Variants in SLC38A6 observed in about 807,000 individuals in gnomAD.
SLC38A6 encodes solute carrier family 38 member 6.
Under a neutral mutation model 65.0 loss-of-function variants are expected in SLC38A6, and 73 were observed. That is an observed-to-expected ratio of 1.12 (90% CI 0.93 to 1.37). The LOEUF (loss-of-function observed/expected upper bound fraction) is 1.37, where lower values mean the gene tolerates loss of function less well. Among genes scored for constraint, SLC38A6 ranks in the 40% most tolerant of loss-of-function variants. SLC38A6 has a pLI of 0.00. For missense variants in SLC38A6, 561 were observed against 531.1 expected (o/e 1.06, Z -0.55); for synonymous variants, 183 against 178.8 (o/e 1.02, Z -0.19).
chr14:61,067,659 G>C (rs1333780226), intron 15 of SLC38A6, among the ~76,000 whole-genome samples: 3 of 151,956 alleles, frequency 2.0e-5, no homozygotes, highest in South Asian at 2.1e-4. Flanking sequence ...CCCTGTACTT[G>C]TGCTGTTGAT....
chr14:61,066,038 C>T (rs1337930543), intron 15 of SLC38A6, among the ~76,000 whole-genome samples: 1 of 152,110 alleles, frequency 6.6e-6, no homozygotes, highest in Non-Finnish European at 1.5e-5. Flanking sequence ...TTAGAATTAG[C>T]CCTATGTTAA....
At chr14:61,001,603 A>T (rs1463289620) in intron 3 of SLC38A6, among the ~76,000 whole-genome samples, 6 of 152,198 alleles carry the variant, frequency 3.9e-5, no homozygotes, top group Admixed American at 3.9e-4. Flanking sequence ...CATTTCCCAG[A>T]GTTAGCAACA....
chr14:61,001,915 C>T (rs2038738029), intron 3 of SLC38A6: 1 of 152,146 alleles, frequency 6.6e-6, no homozygotes, highest in Non-Finnish European at 1.5e-5. Context: ...CGCTTCTGTT[C>T]TTTCACCTTC....
At chr14:60,982,664 AT>A (rs768919629) in intron 2 of SLC38A6, 26 bp downstream of exon 2, 58 of 1,570,732 alleles carry the variant, frequency 3.7e-5, no homozygotes, top group Admixed American at 1.3e-4. Flanking sequence ...TTAGCATCAA[AT>A]TTTTTTTTCC....
chr14:61,032,382 G>C (rs2041054999), intron 6 of SLC38A6, among the ~76,000 whole-genome samples: 1 of 151,734 alleles, frequency 6.6e-6, no homozygotes, highest in Non-Finnish European at 1.5e-5. Flanking sequence ...TTCTCTAAAA[G>C]TGATATTTTT....
At chr14:60,983,139 C>T (rs968218038) in intron 2 of SLC38A6, among the ~76,000 whole-genome samples, 1 of 152,138 alleles carries the variant, frequency 6.6e-6, no homozygotes, top group African/African-American at 2.4e-5. Context: ...GAAGACAATC[C>T]TGGATATTCT....
At chr14:61,001,132 A>C (rs2038681191) in intron 3 of SLC38A6, among the ~76,000 whole-genome samples, 1 of 152,126 alleles carries the variant, frequency 6.6e-6, no homozygotes, top group South Asian at 2.1e-4. Flanking sequence ...GGCATTTGGC[A>C]ATGTCTGGAG....
At chr14:60,997,522 G>A (rs191688652) in intron 3 of SLC38A6, among the ~76,000 whole-genome samples, 29 of 152,248 alleles carry the variant, frequency 1.9e-4, no homozygotes, top group Non-Finnish European at 2.9e-4. Context: ...GTTCAGGATG[G>A]AAACTCTTTT....
At chr14:61,048,874 T>G (rs1420849145) in intron 12 of SLC38A6, among the ~76,000 whole-genome samples, 1 of 152,206 alleles carries the variant, frequency 6.6e-6, no homozygotes, top group Non-Finnish European at 1.5e-5. Flanking sequence ...GCTCATTTTA[T>G]GATTCAGAAA....
chr14:61,001,589 A>G (rs775561503), intron 3 of SLC38A6, among the ~76,000 whole-genome samples: 6 of 152,164 alleles, frequency 3.9e-5, no homozygotes, highest in Non-Finnish European at 7.3e-5. Flanking sequence ...CCCTAGTTTT[A>G]TCGCATTTCC....
intron 6 of SLC38A6, among the ~76,000 whole-genome samples, chr14:61,036,370 A>T (rs993185966): frequency 6.7e-6 from 1 of 150,172 alleles, no homozygotes; most frequent in Non-Finnish European, 1.5e-5. Flanking sequence ...GCATGTTCTC[A>T]CTCGTAAGTG....
In SLC38A6 at chr14:60,996,120, G is replaced by C. The variant is rs140963820; in HGVS notation, c.310+11317G>C. ...GTTGATTGTAGGGGAAGCTGTGCAT[G>C]TGTTGGGGGCAGGAGGTATATGGGA... On this transcript the variant is annotated intron_variant, in intron 3 of 15. Coordinates refer to ENST00000267488, the MANE Select transcript of SLC38A6 (RefSeq NM_153811.3). Among the ~76,000 whole-genome samples, 259 of 152,300 alleles carry C rather than the reference G, an allele frequency of 1.7e-3. 1 individual carries two copies. Among genetic ancestry groups the C allele is most frequent in the African/African-American group, 5.5e-3 (230 of 41,552 alleles).
At chr14:60,981,565 T>G (rs2037023121) in intron 1 of SLC38A6, 183 bp downstream of exon 1, 3 of 1,526,952 alleles carry the variant, frequency 2.0e-6, no homozygotes. Flanking sequence ...GTTATGAACG[T>G]GATAGCAGCC....
intron 15 of SLC38A6, among the ~76,000 whole-genome samples, chr14:61,071,596 T>A (rs2139963981): frequency 6.6e-6 from 1 of 151,924 alleles, no homozygotes; most frequent in African/African-American, 2.4e-5. Context: ...GTGGGAGGAT[T>A]ACATGATCCC....
chr14:61,037,814 C>G, intron 8 of SLC38A6, 131 bp downstream of exon 8: 1 of 569,502 alleles, frequency 1.8e-6, no homozygotes, highest in East Asian at 3.2e-5. Flanking sequence ...ATTAAAAGCA[C>G]TTTTGTTCCA....
chr14:61,035,838 A>G (rs2041321007), intron 6 of SLC38A6, among the ~76,000 whole-genome samples: 2 of 152,278 alleles, frequency 1.3e-5, no homozygotes, highest in South Asian at 4.1e-4. Flanking sequence ...AAATGTCTAC[A>G]TATGTATCTC....
At chr14:61,048,754 G>T (rs1023801634) in intron 12 of SLC38A6, among the ~76,000 whole-genome samples, 8 of 152,150 alleles carry the variant, frequency 5.3e-5, no homozygotes, top group African/African-American at 1.7e-4. Flanking sequence ...TTACAGCTGT[G>T]AAAGGAAGAG....
rs145181753 is a variant in SLC38A6, at chr14:60,988,310, C to T, written c.310+3507C>T. Among the ~76,000 whole-genome samples the T allele has an allele frequency of 5.3e-3, 803 of 152,294 alleles. 4 individuals carry two copies. The highest frequency in any genetic ancestry group is 0.018 in the African/African-American group (732 of 41,560). On this transcript the variant is annotated intron_variant, in intron 3 of 15. Transcript: ENST00000267488. ...TAATCTCATGAATGTATACCATCTA[C>T]GGCTCTCCTTACTATTGTCATCTAT... is the stretch of plus-strand genomic sequence containing the variant.
chr14:61,047,771 T>C (rs544815678), intron 12 of SLC38A6, among the ~76,000 whole-genome samples: 7 of 152,202 alleles, frequency 4.6e-5, no homozygotes, highest in African/African-American at 7.2e-5. Context: ...TTGTCTAATA[T>C]CAAGTAAAAC....
Sources: gnomAD v4.1 joint callset for allele counts (sites outside exome capture counted in the v4.1 genomes callset) on GRCh38, gnomAD v4.1.1 for gene constraint, MANE v1.5 for transcripts, NCBI Gene and HGNC (gene_info 2026-07-23, HGNC 2026-07-21) for gene names.